The following MAP3K13 variants were observed in gnomAD, a reference collection of about 807,000 sequenced individuals.
MAP3K13 encodes the protein mitogen-activated protein kinase kinase kinase 13.
Under a neutral mutation model 104.0 loss-of-function variants are expected in MAP3K13, and 52 were observed. The ratio of observed to expected loss-of-function variants is 0.50; its 90% confidence interval spans 0.40 to 0.63. The LOEUF (loss-of-function observed/expected upper bound fraction) is 0.63. MAP3K13 is among the 20% of genes least tolerant of loss of function. The probability of loss-of-function intolerance (pLI) is 0.00; values close to 1 mark genes in which losing one functional copy is unlikely to be tolerated. For synonymous variants in MAP3K13, 394 were observed against 442.2 expected (o/e 0.89, Z 1.37); for missense variants, 914 against 1,218.5 (o/e 0.75, Z 3.72).
chr3:185,336,152 A>C (rs1397886280), intron 2 of MAP3K13, among the ~76,000 whole-genome samples: 2 of 152,170 alleles, frequency 1.3e-5, no homozygotes, highest in African/African-American at 4.8e-5. Context: ...GCCAAACTTC[A>C]CCTTAACCAG....
At chr3:185,313,276 T>G (rs1420334187) in intron 2 of MAP3K13, among the ~76,000 whole-genome samples, 3 of 151,282 alleles carry the variant, frequency 2.0e-5, no homozygotes, top group Middle Eastern at 3.4e-3. Flanking sequence ...CAAGTTTTTT[T>G]TTTTTTTTTT....
At chr3:185,334,983 A>G (rs1350859560) in intron 2 of MAP3K13, among the ~76,000 whole-genome samples, 4 of 152,078 alleles carry the variant, frequency 2.6e-5, no homozygotes, top group African/African-American at 9.7e-5. Context: ...ATAGACATGG[A>G]TGTACTGATA....
intron 2 of MAP3K13, among the ~76,000 whole-genome samples, chr3:185,311,680 C>G (rs1721500008): frequency 6.6e-6 from 1 of 152,168 alleles, no homozygotes; most frequent in African/African-American, 2.4e-5. Context: ...CTAGGCTCCC[C>G]TCTCCTTCTC....
rs1289113846 is a variant in MAP3K13 at position 185,291,668 on chromosome 3, T to C, written c.-86+6025T>C. 7.8e-6 allele frequency: 12 copies of C among 1,532,202 alleles called. No individual in the cohort carries two copies. The East Asian group carries it at 1.5e-4, about 19-fold the overall frequency. The allele number at this position is 1,532,202 out of a possible 1,614,324, so 94.9% of individuals were successfully genotyped here. A position where few individuals can be genotyped will look rare whatever the true frequency, so the allele number is the denominator to read the frequency against. ...CCTATCATCATTATGCATTCAAGAT[T>C]TGAGTTTGAATAACCTCATCAAGAC... On this transcript the variant is annotated intron_variant, in intron 2 of 14. Coordinates refer to the MAP3K13 transcript ENST00000424227.
chr3:185,332,271 C>T lies in MAP3K13; in HGVS notation c.-86+46628C>T, dbSNP rs577850898. On this transcript the variant is annotated intron_variant, in intron 2 of 14. Coordinates refer to the MAP3K13 transcript ENST00000424227. ...GTACTGTTTCTCATATCCTTGCCAA[C>T]AGAATCATCAGACTTTTGGATTTTT... Among the ~76,000 whole-genome samples the T allele has an allele frequency of 8.5e-5, 13 of 152,118 alleles. 1 individual carries two copies. Among genetic ancestry groups the T allele is most frequent in the African/African-American group, 2.4e-4 (10 of 41,502 alleles).
intron 4 of MAP3K13, among the ~76,000 whole-genome samples, chr3:185,445,455 A>C (rs1189197525): frequency 6.6e-6 from 1 of 152,084 alleles, no homozygotes; most frequent in African/African-American, 2.4e-5. Context: ...TCACATTCTT[A>C]CCCTGTTGCT....
rs1371522079 is a variant in MAP3K13 at position 185,418,752 on chromosome 3, C to A, written c.-85-9745C>A. ...ATGACTCCCCCTTTTCGGAGTACAC[C>A]GATATCATTGGGCGAGCACACGCCA... On this transcript the variant is annotated intron_variant, in intron 1 of 13. Coordinates refer to ENST00000265026, the MANE Select transcript of MAP3K13 (RefSeq NM_004721.5). The surrounding 1 kb of genome is among the most constrained non-coding windows in gnomAD (Gnocchi z 4.5). 9.9e-6 allele frequency: 16 copies of A among 1,608,524 alleles called. No homozygotes were observed. The highest frequency in any genetic ancestry group is 1.4e-5 in the Non-Finnish European group (16 of 1,175,908).
rs190747709 is a variant in MAP3K13 at position 185,306,089 on chromosome 3, T to C, written c.-86+20446T>C. 1.7e-4 allele frequency among the ~76,000 whole-genome samples: 26 copies of C among 152,366 alleles called. No homozygotes were observed. In the East Asian group the frequency reaches 4.0e-3, roughly 24 times the overall value. ...GCATAATGGCCTCAAGCTGCATTCATGTTGCTGCAAAGAACATGATTTCAT... is the reference window on the plus strand; with the variant it reads ...GCATAATGGCCTCAAGCTGCATTCACGTTGCTGCAAAGAACATGATTTCAT... On this transcript the variant is annotated intron_variant, in intron 2 of 14. Coordinates refer to the MAP3K13 transcript ENST00000424227.
intron 4 of MAP3K13, 28 bp downstream of exon 4, chr3:185,443,664 AT>A: frequency 6.3e-7 from 1 of 1,596,526 alleles, no homozygotes; most frequent in Non-Finnish European, 8.6e-7. Flanking sequence ...TGTTTCAGCT[AT>A]TTTGGTTTGT....
chr3:185,443,382 T>C (rs1278280074), intron 3 of MAP3K13, 63 bp from the exon 4 acceptor site: 3 of 1,103,446 alleles, frequency 2.7e-6, no homozygotes, highest in Non-Finnish European at 3.8e-6. Context: ...TAAATATTCT[T>C]TAAATATACA....
rs917640312 is a variant in MAP3K13, at chr3:185,315,256, GAAAA to G, written c.-86+29620_-86+29623del. On this transcript the variant is annotated intron_variant, in intron 2 of 14. Coordinates refer to the MAP3K13 transcript ENST00000424227. The surrounding 1 kb of genome is among the most constrained non-coding windows in gnomAD (Gnocchi z 4.3). ...CAGAGCAAGACTCCAACTCAAAAAA[GAAAA>G]AAAAAACTATAAATATATTACACAT... Among the ~76,000 whole-genome samples, 1 of 145,830 alleles carries G rather than the reference GAAAA, an allele frequency of 6.9e-6. No homozygotes were observed. Among genetic ancestry groups the G allele is most frequent in the Admixed American group, 6.8e-5 (1 of 14,670 alleles).
At position 185,450,101 on chromosome 3, in the gene MAP3K13, G is replaced by C; in HGVS notation, c.1169+43G>C. 1 of 1,483,012 alleles carries C rather than the reference G, an allele frequency of 6.7e-7. No individual in the cohort carries two copies. The highest frequency in any genetic ancestry group is 1.4e-5 in the South Asian group (1 of 73,008). The allele number at this position is 1,483,012 out of a possible 1,614,324, so 91.9% of individuals were successfully genotyped here. A position where few individuals can be genotyped will look rare whatever the true frequency, so the allele number is the denominator to read the frequency against. ...AAAACAATAGGGAGGTCTCTAATGT[G>C]TATTTGGAGTAAATATCCTGGTGGT... On this transcript the variant is annotated intron_variant, in intron 6 of 13. Coordinates refer to ENST00000265026, the MANE Select transcript of MAP3K13 (RefSeq NM_004721.5). This position sits in a 1 kb window ranked among gnomAD's most constrained non-coding sequence, Gnocchi z 4.2.
At chr3:185,374,359 C>T (rs531940584) in intron 1 of MAP3K13, among the ~76,000 whole-genome samples, 48 of 152,026 alleles carry the variant, frequency 3.2e-4, no homozygotes, top group African/African-American at 8.9e-4. Flanking sequence ...CTGCTTCGAG[C>T]GGGATTAGGG....
intron 2 of MAP3K13, chr3:185,291,841 C>T: frequency 7.9e-7 from 1 of 1,271,870 alleles, no homozygotes. Flanking sequence ...ATTTCCTTGG[C>T]CTCTAGGGTC....
chr3:185,458,698 G>C (rs145415244), intron 7 of MAP3K13, among the ~76,000 whole-genome samples: 2 of 152,252 alleles, frequency 1.3e-5, no homozygotes, highest in Admixed American at 6.5e-5. Context: ...TCCTCTCAAC[G>C]TCAGTTATCA....
rs111674764 is a variant in MAP3K13, at chr3:185,450,211, T to C, written c.1169+153T>C. 1.3e-5 allele frequency among the ~76,000 whole-genome samples: 2 copies of C among 152,318 alleles called. No individual in the cohort carries two copies. Among genetic ancestry groups the C allele is most frequent in the African/African-American group, 4.8e-5 (2 of 41,566 alleles). On this transcript the variant is annotated intron_variant, in intron 6 of 13. Coordinates refer to ENST00000265026, the MANE Select transcript of MAP3K13 (RefSeq NM_004721.5). The surrounding 1 kb of genome is among the most constrained non-coding windows in gnomAD (Gnocchi z 4.2). ...TTCTATCTGTGCAATTTTGGGCACG[T>C]TATTCAATATCAGTTTTCTCATTTG...
At chr3:185,449,359 C>G (rs1393284826) in intron 5 of MAP3K13, among the ~76,000 whole-genome samples, 2 of 113,900 alleles carry the variant, frequency 1.8e-5, no homozygotes, top group Non-Finnish European at 3.3e-5. Context: ...GGTGACAGAG[C>G]AAGATGCTGT....
At chr3:185,422,437 C>T (rs549199994) in intron 1 of MAP3K13, among the ~76,000 whole-genome samples, 6 of 152,258 alleles carry the variant, frequency 3.9e-5, no homozygotes, top group South Asian at 4.1e-4. Flanking sequence ...ATATCAAACG[C>T]GTATGATGAC....
chr3:185,299,899 T>C (rs1402097642), intron 2 of MAP3K13, among the ~76,000 whole-genome samples: 2 of 152,202 alleles, frequency 1.3e-5, no homozygotes, highest in African/African-American at 2.4e-5. Flanking sequence ...TTTTTAAAGA[T>C]ACAGTACAGT....
Sources: allele counts gnomAD v4.1 joint callset (sites outside exome capture counted in the v4.1 genomes callset), GRCh38; gene constraint gnomAD v4.1.1; non-coding constraint Gnocchi (gnomAD v3.1); transcripts MANE v1.5; gene names NCBI Gene and HGNC (gene_info 2026-07-23, HGNC 2026-07-21).